NT5DC4: variants seen among roughly 807,000 people sequenced by gnomAD.
The protein encoded by NT5DC4 is 5'-nucleotidase domain-containing protein 4.
A neutral mutation model predicts 26.6 loss-of-function variants in NT5DC4; 44 were observed. The observed-to-expected ratio is 1.65, with a 90% CI of 1.30 to 2.13. The LOEUF (loss-of-function observed/expected upper bound fraction) is 2.13, where lower values mean the gene tolerates loss of function less well. NT5DC4 is among the 30% of genes most tolerant of loss of function. The probability of loss-of-function intolerance (pLI) is 0.00; values close to 1 mark genes in which losing one functional copy is unlikely to be tolerated. For synonymous variants in NT5DC4, 157 were observed against 86.7 expected (o/e 1.81, Z -4.51); for missense variants, 399 against 228.1 (o/e 1.75, Z -4.83).
At chr2:112,739,952 A>T (rs1248618407), downstream of NT5DC4, among the ~76,000 whole-genome samples, 1 of 151,246 alleles carries the variant, frequency 6.6e-6, no homozygotes, top group African/African-American at 2.4e-5. Flanking sequence ...CCATGTGCCC[A>T]GCCTTTTCAT....
chr2:112,733,469 C>T (rs1678717018), intron 16 of NT5DC4, among the ~76,000 whole-genome samples: 1 of 152,128 alleles, frequency 6.6e-6, no homozygotes, highest in South Asian at 2.1e-4. Context: ...AAGTTCTGGC[C>T]CCTAAATTCT....
intron 16 of NT5DC4, chr2:112,731,678 C>T (rs12622683): frequency 0.49 from 74,738 of 152,020 alleles, 18,595 homozygotes; most frequent in East Asian, 0.69. Context: ...AGCATCATTG[C>T]TCTGATGTCA....
intron 15 of NT5DC4, 131 bp from the exon 16 acceptor site, chr2:112,729,496 T>C: frequency 1.5e-6 from 1 of 647,812 alleles, no homozygotes; most frequent in Non-Finnish European, 2.9e-6. Flanking sequence ...CCGAGGTTCC[T>C]TCCTCTGCAG....
intron 16 of NT5DC4, among the ~76,000 whole-genome samples, chr2:112,730,115 C>G (rs189217022): frequency 2.0e-4 from 31 of 152,012 alleles, no homozygotes; most frequent in Admixed American, 1.6e-3. Flanking sequence ...GAGGTCGAGA[C>G]CAGCCTGGCC....
At chr2:112,733,936 G>A (rs1035581724) in intron 16 of NT5DC4, among the ~76,000 whole-genome samples, 21 of 152,126 alleles carry the variant, frequency 1.4e-4, no homozygotes, top group Non-Finnish European at 2.2e-4. Flanking sequence ...GCTCAGATGT[G>A]TTTCCTTATC....
At chr2:112,724,056 C>T in intron 9 of NT5DC4, 38 bp from the exon 10 acceptor site, 1 of 716,894 alleles carries the variant, frequency 1.4e-6, no homozygotes, top group East Asian at 2.7e-5. Flanking sequence ...AGGTGGTGGC[C>T]CAAGCTTGGT....
At chr2:112,723,258 A>T (rs1315664717) in intron 7 of NT5DC4, 84 bp downstream of exon 7, 1 of 714,376 alleles carries the variant, frequency 1.4e-6, no homozygotes, top group Non-Finnish European at 2.6e-6. Flanking sequence ...CAGTCCCCAT[A>T]GCGTTTCCAT....
At chr2:112,734,161 T>TTATATATA (rs80003389) in intron 16 of NT5DC4, among the ~76,000 whole-genome samples, 41 of 141,394 alleles carry the variant, frequency 2.9e-4, no homozygotes, top group African/African-American at 9.1e-4. Flanking sequence ...TTCTATGCTA[T>TTATATATA]TATATATATG....
chr2:112,734,833 G>T (rs1263997212), intron 16 of NT5DC4, among the ~76,000 whole-genome samples: 2 of 152,054 alleles, frequency 1.3e-5, no homozygotes, highest in Non-Finnish European at 2.9e-5. Context: ...GGGACTACAG[G>T]CACACTCTAC....
chr2:112,720,423 G>T (rs916427905), upstream of NT5DC4, among the ~76,000 whole-genome samples: 3 of 152,068 alleles, frequency 2.0e-5, no homozygotes, highest in Non-Finnish European at 1.5e-5. Flanking sequence ...GATGATCCAG[G>T]TCACCGCTCC....
chr2:112,724,658 G>A (rs2104733666), intron 10 of NT5DC4, 123 bp from the exon 11 acceptor site: 1 of 648,908 alleles, frequency 1.5e-6, no homozygotes, highest in Non-Finnish European at 2.8e-6. Context: ...GGTTCCCAGG[G>A]GCTGAAGAGG....
At chr2:112,727,583 CG>C (rs1439671189) in intron 15 of NT5DC4, among the ~76,000 whole-genome samples, 1 of 152,134 alleles carries the variant, frequency 6.6e-6, no homozygotes, top group Non-Finnish European at 1.5e-5. Context: ...AAAGCTGCAG[CG>C]GGGCCTGTGG....
intron 15 of NT5DC4, among the ~76,000 whole-genome samples, chr2:112,728,338 G>A (rs189185211): frequency 8.1e-4 from 124 of 152,302 alleles, no homozygotes; most frequent in African/African-American, 2.5e-3. Context: ...AGGGGTGGAG[G>A]AGGCAGCAGA....
chr2:112,729,097 A>G (rs1678140240), intron 15 of NT5DC4, among the ~76,000 whole-genome samples: 8 of 152,194 alleles, frequency 5.3e-5, no homozygotes, highest in Admixed American at 3.3e-4. Context: ...GAAACACTTA[A>G]AGAAATTTGA....
chr2:112,722,132 AC>A (rs2104702948), intron 3 of NT5DC4, 29 bp downstream of exon 3: 1 of 711,778 alleles, frequency 1.4e-6, no homozygotes. Context: ...GTGGGAGGCC[AC>A]CCGGCCTTGG....
intron 16 of NT5DC4, 104 bp downstream of exon 16, chr2:112,729,808 TG>T (rs1172596744): frequency 8.8e-6 from 6 of 681,306 alleles, no homozygotes; most frequent in Non-Finnish European, 1.4e-5. Flanking sequence ...AGGCAATTGG[TG>T]GGGGGGCTTG....
intron 7 of NT5DC4, 77 bp from the exon 8 acceptor site, chr2:112,723,341 A>T: frequency 1.5e-6 from 1 of 681,086 alleles, no homozygotes; most frequent in Non-Finnish European, 2.7e-6. Flanking sequence ...TTGGACACAG[A>T]CATGTGGGTG....
chr2:112,722,969 C>T, intron 6 of NT5DC4, 112 bp from the exon 7 acceptor site: 1 of 365,450 alleles, frequency 2.7e-6, no homozygotes, highest in South Asian at 2.8e-5. Flanking sequence ...GGGACATAAG[C>T]CCAGTGAAGG....
At chr2:112,718,934 A>G (rs568246336), upstream of NT5DC4, among the ~76,000 whole-genome samples, 5 of 152,198 alleles carry the variant, frequency 3.3e-5, no homozygotes, top group Non-Finnish European at 7.4e-5. Flanking sequence ...CCATCTCTCC[A>G]TCCATCCTCC....
Sources: gnomAD v4.1 joint callset for allele counts (sites outside exome capture counted in the v4.1 genomes callset) on GRCh38, gnomAD v4.1.1 for gene constraint, MANE v1.5 for transcripts, NCBI Gene and HGNC (gene_info 2026-07-23, HGNC 2026-07-21) for gene names.